TIAM1: variants seen among roughly 807,000 people sequenced by gnomAD.
TIAM1 encodes rho guanine nucleotide exchange factor TIAM1.
Under a neutral mutation model 163.5 loss-of-function variants are expected in TIAM1, and 65 were observed. The observed-to-expected ratio is 0.40, with a 90% CI of 0.33 to 0.49. TIAM1 has a LOEUF of 0.49. Among genes scored for constraint, TIAM1 ranks in the 20% least tolerant of loss-of-function variants. TIAM1 has a pLI of 0.77. For synonymous variants in TIAM1, 833 were observed against 810.1 expected (o/e 1.03, Z -0.48); for missense variants, 1,789 against 2,044.7 (o/e 0.87, Z 2.41).
rs747230690 is a variant in TIAM1, at chr21:31,266,635, T to C, written c.338A>G (p.Asp113Gly). 6.2e-7 allele frequency: 1 copy of C among 1,614,242 alleles called. No individual in the cohort carries two copies. Among genetic ancestry groups the C allele is most frequent in the South Asian group, 1.1e-5 (1 of 91,082 alleles). ...YTDSSVTPSV[D>G]SSIVLTAASV... ...GGCTGCTGTGAGGACGATGCTGCTG[T>C]CTACGCTGGGAGTGACAGAAGAGTC... is the stretch of plus-strand genomic sequence containing the variant. Residue 113 changes from aspartate to glycine, a missense_variant, in exon 4 of 28, where the codon GAC becomes GGC. By Grantham distance (94) the Asp-to-Gly change is moderately conservative (BLOSUM62 -1). This residue lies in a region of TIAM1 where 555 missense variants were observed against 564.9 expected (regional missense o/e 0.98). Transcript: ENST00000541036.
intron 2 of TIAM1, among the ~76,000 whole-genome samples, chr21:31,380,855 C>T (rs993672667): frequency 6.6e-6 from 1 of 152,170 alleles, no homozygotes; most frequent in African/African-American, 2.4e-5. Context: ...CGGTTAGGGA[C>T]AGGGGCTTTA....
At chr21:31,332,326 A>C (rs2075700883) in intron 2 of TIAM1, among the ~76,000 whole-genome samples, 1 of 152,206 alleles carries the variant, frequency 6.6e-6, no homozygotes, top group African/African-American at 2.4e-5. Context: ...TAATATCCAT[A>C]TTACAGGCTT....
intron 12 of TIAM1, among the ~76,000 whole-genome samples, chr21:31,197,429 G>A (rs1287747831): frequency 6.7e-6 from 1 of 148,796 alleles, no homozygotes; most frequent in Non-Finnish European, 1.5e-5. Flanking sequence ...AGGCTGGAGT[G>A]CAGCGGTGTG....
intron 2 of TIAM1, among the ~76,000 whole-genome samples, chr21:31,392,570 CAAAAA>C (rs61454127): frequency 9.4e-5 from 8 of 84,874 alleles, no homozygotes; most frequent in African/African-American, 1.4e-4. Flanking sequence ...AACTCTGTCT[CAAAAA>C]AAAAAAAAAA....
chr21:31,260,423 A>T (rs2072395678), intron 4 of TIAM1, among the ~76,000 whole-genome samples: 1 of 151,374 alleles, frequency 6.6e-6, no homozygotes, highest in African/African-American at 2.4e-5. Flanking sequence ...TTTTTAGTAG[A>T]GACGGGGGTT....
At chr21:31,238,062 G>A (rs979240920) in intron 6 of TIAM1, among the ~76,000 whole-genome samples, 11 of 152,124 alleles carry the variant, frequency 7.2e-5, no homozygotes, top group African/African-American at 2.7e-4. Flanking sequence ...ACTTTTGTTG[G>A]TAACATGAAT....
At chr21:31,400,276 A>G (rs9978799) in intron 2 of TIAM1, among the ~76,000 whole-genome samples, 19,559 of 151,814 alleles carry the variant, frequency 0.13, 3,311 homozygotes, top group African/African-American at 0.39. Flanking sequence ...ACAGGCACCC[A>G]CCACCACACC....
At chr21:31,175,487 T>C (rs1247730263) in intron 15 of TIAM1, among the ~76,000 whole-genome samples, 1 of 152,246 alleles carries the variant, frequency 6.6e-6, no homozygotes, top group Non-Finnish European at 1.5e-5. Context: ...AGGTTTTGCA[T>C]AATTACTGTT....
chr21:31,245,872 C>T (rs189907614), intron 5 of TIAM1, among the ~76,000 whole-genome samples: 14 of 152,152 alleles, frequency 9.2e-5, no homozygotes, highest in African/African-American at 3.4e-4. Flanking sequence ...TCAGCCTGCC[C>T]GGGTTTCCTT....
chr21:31,525,367 CAAA>C (rs200283424), intron 1 of TIAM1, among the ~76,000 whole-genome samples: 2 of 101,684 alleles, frequency 2.0e-5, no homozygotes. Context: ...GACTCCGTCT[CAAA>C]AAAAAAAAAA....
intron 11 of TIAM1, among the ~76,000 whole-genome samples, chr21:31,205,868 T>C (rs1453780395): frequency 6.6e-6 from 1 of 152,062 alleles, no homozygotes; most frequent in Non-Finnish European, 1.5e-5. Context: ...CTCAGGAAGT[T>C]GAGGCGGGAG....
At chr21:31,501,242 C>T (rs2046838367) in intron 1 of TIAM1, among the ~76,000 whole-genome samples, 1 of 152,130 alleles carries the variant, frequency 6.6e-6, no homozygotes, top group African/African-American at 2.4e-5. Context: ...GGTTCACACC[C>T]CACGTACATT....
chr21:31,192,060 A>G (rs1041324540), intron 13 of TIAM1, among the ~76,000 whole-genome samples: 3 of 152,220 alleles, frequency 2.0e-5, no homozygotes, highest in Admixed American at 2.0e-4. Context: ...TTGCTGCATA[A>G]TAAGCCGCTC....
chr21:31,123,419 C>T (rs1156918977), intron 27 of TIAM1, among the ~76,000 whole-genome samples: 2 of 152,208 alleles, frequency 1.3e-5, no homozygotes, highest in Non-Finnish European at 2.9e-5. Flanking sequence ...ATGAAAGACT[C>T]TTAGGATACA....
chr21:31,494,068 C>T (rs1417925259), intron 1 of TIAM1, among the ~76,000 whole-genome samples: 2 of 152,334 alleles, frequency 1.3e-5, no homozygotes, highest in East Asian at 3.9e-4. Context: ...GCATGTGCCA[C>T]TACGCCCAGC....
At chr21:31,422,127 G>A (rs1239425354) in intron 2 of TIAM1, among the ~76,000 whole-genome samples, 1 of 152,258 alleles carries the variant, frequency 6.6e-6, no homozygotes, top group East Asian at 1.9e-4. Context: ...ATATATTCCT[G>A]TTTTCGTAAG....
chr21:31,464,198 G>C (rs1318480896), intron 1 of TIAM1, among the ~76,000 whole-genome samples: 2 of 152,112 alleles, frequency 1.3e-5, no homozygotes, highest in African/African-American at 4.8e-5. Context: ...AAGAAACAAA[G>C]GCCGTAAAAT....
chr21:31,516,432 A>G (rs888190431), intron 1 of TIAM1, among the ~76,000 whole-genome samples: 1 of 152,156 alleles, frequency 6.6e-6, no homozygotes. Flanking sequence ...ATAAAATTAA[A>G]AAATAAAACA....
intron 2 of TIAM1, among the ~76,000 whole-genome samples, chr21:31,311,585 G>C (rs2074932677): frequency 6.6e-6 from 1 of 152,130 alleles, no homozygotes; most frequent in Admixed American, 6.5e-5. Context: ...GAATTGAGGG[G>C]GAGAAGAGGA....
Sources: gnomAD v4.1 joint callset for allele counts (sites outside exome capture counted in the v4.1 genomes callset) on GRCh38, gnomAD v4.1.1 for gene constraint, gnomAD v4.1.1 regional missense constraint, MANE v1.5 for transcripts, NCBI Gene and HGNC (gene_info 2026-07-23, HGNC 2026-07-21) for gene names.